Variants in CYP2C8 observed in about 807,000 individuals in gnomAD.
CYP2C8 encodes the protein cytochrome P450 family 2 subfamily C member 8, also known as cytochrome P450 2C8.
CYP2C8 carries 51 observed loss-of-function variants against 41.3 expected under a neutral mutation model. The ratio of observed to expected loss-of-function variants is 1.24; its 90% CI spans 0.99 to 1.56. The LOEUF is 1.56. CYP2C8 is among the 40% of genes most tolerant of loss of function. The probability of loss-of-function intolerance (pLI) is 0.00; values close to 1 mark genes in which losing one functional copy is unlikely to be tolerated. For missense variants in CYP2C8, 651 were observed against 579.9 expected (o/e 1.12, Z -1.26); for synonymous variants, 218 against 205.8 (o/e 1.06, Z -0.51).
chr10:95,059,955 G>T lies in CYP2C8; in HGVS notation c.643-1444C>A, dbSNP rs528413605. On this transcript the variant is annotated intron_variant, in intron 4 of 8. Transcript: ENST00000371270. ...GTTTGTCAAAGATCAGATAGTTGTA[G>T]ATCTGTGGTATTATTTCTGAGGGCT... is the stretch of plus-strand genomic sequence containing the variant. Among the ~76,000 whole-genome samples the T allele has an allele frequency of 6.6e-5, 10 of 152,262 alleles. No individual in the cohort carries two copies. In the South Asian group the frequency reaches 2.1e-3, roughly 32 times the overall value.
At chr10:95,047,288 T>C (rs2134415859) in intron 5 of CYP2C8, among the ~76,000 whole-genome samples, 1 of 152,316 alleles carries the variant, frequency 6.6e-6, no homozygotes, top group Middle Eastern at 3.4e-3. Flanking sequence ...AACACATTCA[T>C]TTTTATGATT....
rs180703760 is a variant in CYP2C8, at chr10:95,047,213, G to T, written c.820-1262C>A. 1.5e-3 allele frequency among the ~76,000 whole-genome samples: 223 copies of T among 152,232 alleles called. 1 individual carries two copies. Among genetic ancestry groups the T allele is most frequent in the Non-Finnish European group, 2.1e-3 (140 of 68,022 alleles). On this transcript the variant is annotated intron_variant, in intron 5 of 8. Coordinates refer to ENST00000371270, the MANE Select transcript of CYP2C8 (RefSeq NM_000770.3). ...CAGCCTGCAGAACCGTGAGCCAATT[G>T]GGCCTCATGTTCTTATAAATTATCT... is the stretch of plus-strand genomic sequence containing the variant.
rs569651195 is a variant in CYP2C8 at position 95,069,446 on chromosome 10, C to T, written c.-44G>A. 6.5e-6 allele frequency: 10 copies of T among 1,549,952 alleles called. No individual in the cohort carries two copies. The highest frequency in any genetic ancestry group is 2.7e-5 in the African/African-American group (2 of 73,490). Reference sequence around the variant, plus strand: ...TTAAGACAGCTGTGAGCTTGCACTCCAAAGTTTTTATAACACTCCCTGCTA... The same window carrying T: ...TTAAGACAGCTGTGAGCTTGCACTCTAAAGTTTTTATAACACTCCCTGCTA... On this transcript the variant is annotated 5_prime_UTR_variant, in exon 1 of 9. Coordinates refer to ENST00000371270, the MANE Select transcript of CYP2C8 (RefSeq NM_000770.3).
At chr10:95,052,178 T>C (rs2033225715) in intron 5 of CYP2C8, among the ~76,000 whole-genome samples, 1 of 152,058 alleles carries the variant, frequency 6.6e-6, no homozygotes, top group Non-Finnish European at 1.5e-5. Context: ...CATGAACAAC[T>C]ATATACCAAT....
At chr10:95,060,377 T>C (rs1450984313) in intron 4 of CYP2C8, among the ~76,000 whole-genome samples, 1 of 152,216 alleles carries the variant, frequency 6.6e-6, no homozygotes, top group Non-Finnish European at 1.5e-5. Flanking sequence ...TAAGTTGGAT[T>C]CCTAGGTATT....
chr10:95,067,644 A>T lies in CYP2C8; in HGVS notation c.216T>A (p.Asn72Lys), dbSNP rs1264050617. ...CATATCCATGAAACACCACTATGGG[A>T]TTCATGCCAAAATACACGGTGAACA... Reference protein sequence around the residue: ...GPVFTVYFGMNPIVVFHGYEA... With the variant: ...GPVFTVYFGMKPIVVFHGYEA... Residue 72 changes from asparagine to lysine, a missense_variant, in exon 2 of 9, where the codon AAT becomes AAA. Transcript: ENST00000371270. 1.2e-6 allele frequency: 2 copies of T among 1,614,148 alleles called. No individual in the cohort carries two copies. Among genetic ancestry groups the T allele is most frequent in the Non-Finnish European group, 1.7e-6 (2 of 1,180,002 alleles).
intron 8 of CYP2C8, 76 bp from the exon 9 acceptor site, chr10:95,037,385 G>T: frequency 7.8e-7 from 1 of 1,287,918 alleles, no homozygotes. Context: ...TTTGTGACTT[G>T]CACAAACAGA....
In CYP2C8 at chr10:95,043,056, T is replaced by C. The variant is rs1321577949; in HGVS notation, c.983A>G (p.Asp328Gly). Residue 328 changes from aspartate (D) to glycine (G), a missense_variant, in exon 7 of 9, where the codon GAT (aspartate) becomes GGT (glycine). Transcript: ENST00000371270. ...EVTAKVQEEIDHVIGRHRSPC... is the reference protein window; with the variant it reads ...EVTAKVQEEIGHVIGRHRSPC... Reference sequence around the variant, plus strand: ...GCTCCTGTGTCTGCCAATTACATGATCAATCTCTTCCTGGACTTTAGCTGA... The same window carrying C: ...GCTCCTGTGTCTGCCAATTACATGACCAATCTCTTCCTGGACTTTAGCTGA... 4 of 1,614,162 alleles carry C rather than the reference T, an allele frequency of 2.5e-6. No homozygotes were observed. The highest frequency in any genetic ancestry group is 3.4e-6 in the Non-Finnish European group (4 of 1,180,020).
At chr10:95,044,114 C>T (rs1163841999) in intron 6 of CYP2C8, among the ~76,000 whole-genome samples, 3 of 152,202 alleles carry the variant, frequency 2.0e-5, no homozygotes, top group Non-Finnish European at 1.5e-5. Flanking sequence ...AGCAGCCTCT[C>T]TGACACTCTC....
intron 7 of CYP2C8, among the ~76,000 whole-genome samples, chr10:95,042,260 T>C (rs2033018128): frequency 6.6e-6 from 1 of 152,054 alleles, no homozygotes; most frequent in Non-Finnish European, 1.5e-5. Flanking sequence ...TTAACCCAGA[T>C]AGCAAAATAA....
At position 95,045,816 on chromosome 10, in the gene CYP2C8, C is replaced by T. The variant is rs537326361; in HGVS notation, c.955G>A (p.Val319Ile). Residue 319 changes from valine (V) to isoleucine (I), a missense_variant, in exon 6 of 9, where the codon GTC becomes ATC. By Grantham distance (29) the Val-to-Ile change is conservative. Transcript: ENST00000371270. ...TCATCATCTGTGGTCCTACCTGTGA[C>T]CTCTGGGTGCTTCAGCAGGAGCAGG... ...GLLLLLKHPE[V>I]TAKVQEEIDH... 6.2e-7 allele frequency: 1 copy of T among 1,613,954 alleles called. No homozygotes were observed. Among genetic ancestry groups the T allele is most frequent in the Admixed American group, 1.7e-5 (1 of 60,016 alleles).
intron 4 of CYP2C8, among the ~76,000 whole-genome samples, chr10:95,063,020 A>G (rs2033473074): frequency 6.6e-6 from 1 of 152,186 alleles, no homozygotes; most frequent in African/African-American, 2.4e-5. Context: ...TGTTAGTCTG[A>G]TGGGCTTCCC....
chr10:95,063,747 G>A (rs1315012269), intron 4 of CYP2C8, among the ~76,000 whole-genome samples: 2 of 152,164 alleles, frequency 1.3e-5, no homozygotes, highest in Non-Finnish European at 2.9e-5. Context: ...TTTCTGTTGT[G>A]TTTTTCCCCC....
intron 6 of CYP2C8, among the ~76,000 whole-genome samples, chr10:95,045,041 T>C (rs958653425): frequency 2.6e-5 from 4 of 152,230 alleles, no homozygotes; most frequent in African/African-American, 9.6e-5. Context: ...TAATTTGTAA[T>C]TTAGTTATTG....
At chr10:95,062,448 G>T (rs1204253878) in intron 4 of CYP2C8, among the ~76,000 whole-genome samples, 1 of 152,116 alleles carries the variant, frequency 6.6e-6, no homozygotes, top group Admixed American at 6.5e-5. Context: ...TTTTATCAGA[G>T]ATTAGGATTG....
intron 4 of CYP2C8, among the ~76,000 whole-genome samples, chr10:95,063,258 C>T (rs1023143921): frequency 2.6e-5 from 4 of 152,198 alleles, no homozygotes; most frequent in African/African-American, 7.2e-5. Context: ...CCATTCTCCC[C>T]GTCACTTTCA....
intron 5 of CYP2C8, among the ~76,000 whole-genome samples, chr10:95,046,473 A>T (rs539391556): frequency 6.6e-6 from 1 of 152,122 alleles, no homozygotes; most frequent in East Asian, 1.9e-4. Flanking sequence ...ATCAAGAACT[A>T]CCCCACTCTT....
intron 4 of CYP2C8, among the ~76,000 whole-genome samples, chr10:95,062,909 G>T (rs1037586872): frequency 2.6e-5 from 4 of 152,064 alleles, no homozygotes; most frequent in Admixed American, 6.5e-5. Flanking sequence ...GCTTAGTTTG[G>T]CTGGATATGA....
rs373613215 is a variant in CYP2C8 at position 95,058,338 on chromosome 10, C to G, written c.816G>C (p.Glu272Asp). Residue 272 changes from glutamate (E) to aspartate (D), a missense_variant, in exon 5 of 9, where the codon GAG becomes GAC. Physicochemically the swap from Glu to Asp is conservative, Grantham distance 45. Transcript: ENST00000371270. Reference sequence around the variant, plus strand: ...TGATCTGTTGCTAATATCTTACCTGCTCCATTTTGATCAGGAAGCAATCGA... The same window carrying G: ...TGATCTGTTGCTAATATCTTACCTGGTCCATTTTGATCAGGAAGCAATCGA... Reference protein sequence around the residue: ...DFIDCFLIKMEQEKDNQKSEF... With the variant: ...DFIDCFLIKMDQEKDNQKSEF... The G allele has an allele frequency of 1.3e-5, 21 of 1,612,900 alleles. No individual in the cohort carries two copies. The highest frequency in any genetic ancestry group is 1.7e-5 in the Non-Finnish European group (20 of 1,179,434).
Sources: gnomAD v4.1 joint callset for allele counts (sites outside exome capture counted in the v4.1 genomes callset) on GRCh38, gnomAD v4.1.1 for gene constraint, MANE v1.5 for transcripts, NCBI Gene and HGNC (gene_info 2026-07-23, HGNC 2026-07-21) for gene names.